Variants in ATRNL1 observed in about 807,000 individuals in gnomAD.
The protein encoded by ATRNL1 is attractin-like protein 1.
Under a neutral mutation model 182.7 loss-of-function variants are expected in ATRNL1, and 95 were observed. The observed-to-expected ratio is 0.52, with a 90% CI of 0.44 to 0.62. The LOEUF (loss-of-function observed/expected upper bound fraction) is 0.62. Among genes scored for constraint, ATRNL1 ranks in the 20% least tolerant of loss-of-function variants. The pLI is 0.00. For synonymous variants in ATRNL1, 576 were observed against 568.3 expected (o/e 1.01, Z -0.19); for missense variants, 1,471 against 1,679.5 (o/e 0.88, Z 2.17).
At chr10:115,210,282 A>G (rs539971384) in intron 8 of ATRNL1, among the ~76,000 whole-genome samples, 10 of 152,100 alleles carry the variant, frequency 6.6e-5, no homozygotes, top group African/African-American at 2.2e-4. Context: ...TCCTAAGTCT[A>G]GATACTGACA....
intron 7 of ATRNL1, among the ~76,000 whole-genome samples, chr10:115,169,332 G>C (rs887591967): frequency 6.6e-6 from 1 of 151,176 alleles, no homozygotes; most frequent in South Asian, 2.1e-4. Context: ...TCAGCCTCCT[G>C]AGTAGCTGGG....
chr10:115,183,016 A>T (rs909197036), intron 8 of ATRNL1, among the ~76,000 whole-genome samples: 61 of 151,542 alleles, frequency 4.0e-4, no homozygotes, highest in Non-Finnish European at 3.6e-4. Flanking sequence ...TCTCAAATGC[A>T]CATGGAAAAC....
At chr10:115,391,123 T>A (rs1843996140) in intron 19 of ATRNL1, among the ~76,000 whole-genome samples, 2 of 152,238 alleles carry the variant, frequency 1.3e-5, no homozygotes, top group Non-Finnish European at 1.5e-5. Flanking sequence ...ATTAACTTTT[T>A]AATTTCCTAT....
chr10:115,412,847 G>A (rs1845209984), intron 20 of ATRNL1, among the ~76,000 whole-genome samples: 1 of 152,092 alleles, frequency 6.6e-6, no homozygotes, highest in Non-Finnish European at 1.5e-5. Flanking sequence ...CTGCAAAATT[G>A]CCTTAATAAG....
At chr10:115,199,379 A>G (rs186272459) in intron 8 of ATRNL1, among the ~76,000 whole-genome samples, 3 of 152,200 alleles carry the variant, frequency 2.0e-5, no homozygotes, top group East Asian at 1.9e-4. Context: ...TTCCAGGCCA[A>G]CATGGTGAAA....
chr10:115,135,602 C>T (rs553226939), intron 5 of ATRNL1, among the ~76,000 whole-genome samples: 37 of 152,224 alleles, frequency 2.4e-4, no homozygotes, highest in African/African-American at 8.4e-4. Context: ...TGAAAATGGC[C>T]ATACTGCCCA....
chr10:115,674,818 C>T (rs1555042459), intron 26 of ATRNL1, among the ~76,000 whole-genome samples: 1 of 152,072 alleles, frequency 6.6e-6, no homozygotes, highest in Non-Finnish European at 1.5e-5. Context: ...CACTGTGATT[C>T]TTGCATATGC....
intron 28 of ATRNL1, among the ~76,000 whole-genome samples, chr10:115,848,574 C>T (rs1950983307): frequency 6.6e-6 from 1 of 152,132 alleles, no homozygotes; most frequent in African/African-American, 2.4e-5. Context: ...TGTTCTGATT[C>T]TCCTTTTCCT....
intron 19 of ATRNL1, among the ~76,000 whole-genome samples, chr10:115,375,442 T>A (rs1314924275): frequency 6.6e-6 from 1 of 152,106 alleles, no homozygotes; most frequent in Non-Finnish European, 1.5e-5. Context: ...TCTTTTTATT[T>A]GAAAATTTAA....
intron 27 of ATRNL1, among the ~76,000 whole-genome samples, chr10:115,746,590 A>C: frequency 6.6e-6 from 1 of 151,982 alleles, no homozygotes; most frequent in African/African-American, 2.4e-5. Flanking sequence ...TTTTTTATTC[A>C]CTATAATATA....
intron 26 of ATRNL1, among the ~76,000 whole-genome samples, chr10:115,710,422 G>A (rs564536282): frequency 2.0e-5 from 3 of 152,218 alleles, no homozygotes; most frequent in South Asian, 2.1e-4. Context: ...TCATAATTGC[G>A]TGACCTGTGA....
chr10:115,901,595 C>T (rs1282646807), intron 28 of ATRNL1, among the ~76,000 whole-genome samples: 1 of 151,846 alleles, frequency 6.6e-6, no homozygotes, highest in Non-Finnish European at 1.5e-5. Flanking sequence ...CCCTTTTATG[C>T]TTTTGTCTTA....
intron 3 of ATRNL1, among the ~76,000 whole-genome samples, chr10:115,126,150 C>T (rs1844965057): frequency 1.3e-5 from 2 of 151,644 alleles, no homozygotes; most frequent in Admixed American, 1.3e-4. Context: ...CTCCACCTCC[C>T]AGGTTCAAGC....
intron 25 of ATRNL1, among the ~76,000 whole-genome samples, chr10:115,548,095 T>C (rs1207260625): frequency 6.6e-6 from 1 of 152,192 alleles, no homozygotes; most frequent in Non-Finnish European, 1.5e-5. Context: ...TGTATTTTGG[T>C]ACTACGACTT....
At chr10:115,780,927 A>G (rs1409914652) in intron 27 of ATRNL1, among the ~76,000 whole-genome samples, 2 of 152,158 alleles carry the variant, frequency 1.3e-5, no homozygotes, top group African/African-American at 2.4e-5. Flanking sequence ...CTGCTTCAGC[A>G]AAGTGGAGGG....
At chr10:115,506,609 C>G (rs1554981352) in intron 24 of ATRNL1, among the ~76,000 whole-genome samples, 1 of 152,050 alleles carries the variant, frequency 6.6e-6, no homozygotes, top group Non-Finnish European at 1.5e-5. Context: ...CTTTCATCAT[C>G]ATGGAAACAG....
intron 18 of ATRNL1, among the ~76,000 whole-genome samples, chr10:115,318,505 A>T (rs559470343): frequency 2.4e-4 from 37 of 152,072 alleles, no homozygotes; most frequent in Non-Finnish European, 3.7e-4. Flanking sequence ...TTGGCTGTGA[A>T]TCTGTCTGGT....
intron 10 of ATRNL1, among the ~76,000 whole-genome samples, chr10:115,262,853 T>C (rs1245685703): frequency 1.3e-5 from 2 of 151,992 alleles, no homozygotes; most frequent in African/African-American, 4.8e-5. Context: ...ATTTTAAGTC[T>C]GATAGAACTA....
intron 28 of ATRNL1, among the ~76,000 whole-genome samples, chr10:115,918,481 A>G (rs1952946647): frequency 6.6e-6 from 1 of 152,204 alleles, no homozygotes. Flanking sequence ...TGTGGAATAT[A>G]AGGTTAAGAA....
Sources: gnomAD v4.1 joint callset for allele counts (sites outside exome capture counted in the v4.1 genomes callset) on GRCh38, gnomAD v4.1.1 for gene constraint, MANE v1.5 for transcripts, NCBI Gene and HGNC (gene_info 2026-07-23, HGNC 2026-07-21) for gene names.